The following RYR3 variants were observed in gnomAD, a reference collection of about 807,000 sequenced individuals.
RYR3 encodes the protein ryanodine receptor 3.
RYR3 carries 207 observed loss-of-function variants against 584.3 expected under a neutral mutation model. That is an observed-to-expected ratio of 0.35 (90% CI 0.32 to 0.40). The LOEUF (loss-of-function observed/expected upper bound fraction) is 0.40. Among genes scored for constraint, RYR3 ranks in the 10% least tolerant of loss-of-function variants. RYR3 has a pLI of 1.00. For missense variants in RYR3, 5,616 were observed against 6,089.2 expected (o/e 0.92, Z 2.59); for synonymous variants, 2,416 against 2,248.5 (o/e 1.07, Z -2.11).
chr15:33,746,285 CTG>C (rs2152842736), intron 53 of RYR3, 128 bp downstream of exon 53: 2 of 722,256 alleles, frequency 2.8e-6, no homozygotes, highest in Non-Finnish European at 2.4e-6. Context: ...ACTCAGTAAA[CTG>C]TTCACAAGCT....
At chr15:33,496,379 C>T (rs2051425436) in intron 2 of RYR3, among the ~76,000 whole-genome samples, 1 of 152,142 alleles carries the variant, frequency 6.6e-6, no homozygotes, top group African/African-American at 2.4e-5. Flanking sequence ...CATATTTATT[C>T]CTGAACGAGG....
At chr15:33,714,940 A>G (rs2067388247) in intron 43 of RYR3, among the ~76,000 whole-genome samples, 1 of 152,256 alleles carries the variant, frequency 6.6e-6, no homozygotes, top group African/African-American at 2.4e-5. Flanking sequence ...AACCACACCT[A>G]CCTACATAGT....
At position 33,348,178 on chromosome 15, in the gene RYR3, C is replaced by A. The variant is rs145032728; in HGVS notation, c.51+37082C>A. 3.2e-4 allele frequency among the ~76,000 whole-genome samples: 48 copies of A among 152,312 alleles called. No homozygotes were observed. The East Asian group carries it at 8.9e-3, about 28-fold the overall frequency. On this transcript the variant is annotated intron_variant, in intron 1 of 103. Coordinates refer to ENST00000634891, the MANE Select transcript of RYR3 (RefSeq NM_001036.6). ...TCTACTCCCGCAGTGAGAAACCTGTCTCACACCATCTGCCCTGCATTTACT... is the reference window on the plus strand; with the variant it reads ...TCTACTCCCGCAGTGAGAAACCTGTATCACACCATCTGCCCTGCATTTACT...
intron 42 of RYR3, among the ~76,000 whole-genome samples, chr15:33,705,879 G>A (rs888033991): frequency 5.9e-5 from 9 of 152,176 alleles, no homozygotes; most frequent in South Asian, 2.1e-4. Context: ...AACATGGCCC[G>A]CCCCCAGTGG....
chr15:33,645,836 G>A (rs2062071494), intron 28 of RYR3, among the ~76,000 whole-genome samples: 1 of 152,060 alleles, frequency 6.6e-6, no homozygotes, highest in South Asian at 2.1e-4. Flanking sequence ...GAGGCTCCAG[G>A]AGCCTCAGCC....
chr15:33,549,913 A>G (rs962201422), intron 9 of RYR3, among the ~76,000 whole-genome samples: 2 of 152,196 alleles, frequency 1.3e-5, no homozygotes, highest in South Asian at 2.1e-4. Context: ...TGGGACTTCC[A>G]GTTGTATGAA....
intron 18 of RYR3, among the ~76,000 whole-genome samples, chr15:33,612,540 A>G (rs1038560369): frequency 2.6e-5 from 4 of 152,038 alleles, no homozygotes; most frequent in Non-Finnish European, 4.4e-5. Flanking sequence ...TTGTATTTTT[A>G]GTAGAGACGG....
Position 33,731,508 on chromosome 15 carries a change from T to C in RYR3, c.7238T>C (p.Leu2413Pro). The part of the protein sequence containing the change: ...SLSTTEAALA[L>P]NRYICSAVLP... ...AGCACCACAGAGGCTGCGCTTGCAC[T>C]AAATAGGTATATATGTTCTGCTGTG... Residue 2413 changes from leucine to proline, a missense_variant, in exon 48 of 104, where the codon CTA (leucine) becomes CCA (proline). This residue lies in a region of RYR3 where 1,280 missense variants were observed against 1,426.2 expected (regional missense o/e 0.90). Coordinates refer to ENST00000634891, the MANE Select transcript of RYR3 (RefSeq NM_001036.6). 6.2e-7 allele frequency: 1 copy of C among 1,613,542 alleles called. No homozygotes were observed. The highest frequency in any genetic ancestry group is 8.5e-7 in the Non-Finnish European group (1 of 1,179,686).
intron 43 of RYR3, among the ~76,000 whole-genome samples, chr15:33,709,683 A>C (rs1430768462): frequency 1.3e-5 from 2 of 152,222 alleles, no homozygotes; most frequent in Non-Finnish European, 2.9e-5. Context: ...GGCCCTTAAC[A>C]GATGCACCTC....
intron 1 of RYR3, among the ~76,000 whole-genome samples, chr15:33,448,668 C>T (rs1388526376): frequency 6.6e-6 from 1 of 152,234 alleles, no homozygotes; most frequent in Non-Finnish European, 1.5e-5. Context: ...CAGAAATCAA[C>T]TTTAATCTGT....
intron 1 of RYR3, among the ~76,000 whole-genome samples, chr15:33,415,820 T>C (rs1234803491): frequency 3.3e-5 from 5 of 152,278 alleles, no homozygotes; most frequent in African/African-American, 1.2e-4. Context: ...ATAGTGAACA[T>C]AGTGCCCAAT....
At chr15:33,714,906 A>G (rs2067385483) in intron 43 of RYR3, among the ~76,000 whole-genome samples, 1 of 152,254 alleles carries the variant, frequency 6.6e-6, no homozygotes, top group South Asian at 2.1e-4. Flanking sequence ...CATGTATGGA[A>G]TAATTACTAA....
chr15:33,423,978 A>G (rs370613814), intron 1 of RYR3, among the ~76,000 whole-genome samples: 75 of 152,180 alleles, frequency 4.9e-4, no homozygotes, highest in African/African-American at 1.7e-3. Flanking sequence ...GGCCATGTCA[A>G]TATGCCTTGC....
At position 33,601,444 on chromosome 15, in the gene RYR3, G is replaced by A; in HGVS notation, c.1814G>A (p.Cys605Tyr). ...GTTCTGGATATCCTGTGCTCCCTCT[G>A]TCTCTGCAATGGGGTTGCAGTGAGA... ...HKVLDILCSLCLCNGVAVRAN... is the reference protein window; with the variant it reads ...HKVLDILCSLYLCNGVAVRAN... The change falls in exon 17 of 104, where the codon TGT becomes TAT. Residue 605 changes from cysteine (C) to tyrosine (Y), a missense_variant. By Grantham distance (194) the Cys-to-Tyr change is radical (BLOSUM62 -2). Transcript: ENST00000634891. 3 of 1,612,976 alleles carry A rather than the reference G, an allele frequency of 1.9e-6. No homozygotes were observed. The highest frequency in any genetic ancestry group is 2.5e-6 in the Non-Finnish European group (3 of 1,179,562).
rs1481211919 is a variant in RYR3, at chr15:33,350,674, G to A, written c.51+39578G>A. Among the ~76,000 whole-genome samples, 85 of 151,994 alleles carry A rather than the reference G, an allele frequency of 5.6e-4. 1 individual carries two copies. In the East Asian group the frequency reaches 0.015, roughly 26 times the overall value. On this transcript the variant is annotated intron_variant, in intron 1 of 103. Coordinates refer to ENST00000634891, the MANE Select transcript of RYR3 (RefSeq NM_001036.6). ...CCTGAATGACTACTGGGTACATAAC[G>A]AAATGAAGGCAGAAATAAAGATGTT...
chr15:33,475,421 C>T (rs983056380), intron 2 of RYR3, among the ~76,000 whole-genome samples: 11 of 152,150 alleles, frequency 7.2e-5, no homozygotes, highest in Non-Finnish European at 1.3e-4. Flanking sequence ...CTCAGATCAT[C>T]GGGCATTAGA....
chr15:33,675,652 A>G lies in RYR3; in HGVS notation c.5860+5096A>G, dbSNP rs1418124815. ...CATCTATAAAATGGACATGGCATAT[A>G]CATACTTACCTCATTGGGTTGATAT... On this transcript the variant is annotated intron_variant, in intron 38 of 103. Coordinates refer to ENST00000634891, the MANE Select transcript of RYR3 (RefSeq NM_001036.6). 3.3e-5 allele frequency among the ~76,000 whole-genome samples: 5 copies of G among 152,356 alleles called. No individual in the cohort carries two copies. In the East Asian group the frequency reaches 9.6e-4, roughly 29 times the overall value.
intron 103 of RYR3, among the ~76,000 whole-genome samples, chr15:33,864,442 G>C (rs547769481): frequency 6.6e-6 from 1 of 152,294 alleles, no homozygotes; most frequent in South Asian, 2.1e-4. Context: ...GAACATTACA[G>C]AGACAATATG....
chr15:33,810,145 G>A (rs1275593662), intron 70 of RYR3, among the ~76,000 whole-genome samples: 1 of 152,070 alleles, frequency 6.6e-6, no homozygotes, highest in African/African-American at 2.4e-5. Context: ...ACTTTTCTGG[G>A]GCCATTTTTG....
Sources: allele counts gnomAD v4.1 joint callset (sites outside exome capture counted in the v4.1 genomes callset), GRCh38; gene constraint gnomAD v4.1.1; regional missense constraint gnomAD v4.1.1; transcripts MANE v1.5; gene names NCBI Gene and HGNC (gene_info 2026-07-23, HGNC 2026-07-21).